The following RBFOX3 variants were observed in gnomAD, a reference collection of about 807,000 sequenced individuals.
RBFOX3 encodes RNA binding protein fox-1 homolog 3.
A neutral mutation model predicts 48.7 loss-of-function variants in RBFOX3; 17 were observed. That is an observed-to-expected ratio of 0.35 (90% CI 0.24 to 0.52). The LOEUF (loss-of-function observed/expected upper bound fraction) is 0.52, where lower values mean the gene tolerates loss of function less well. RBFOX3 is among the 20% of genes least tolerant of loss of function. The pLI is 0.94. For synonymous variants in RBFOX3, 212 were observed against 209.5 expected, an observed-to-expected ratio of 1.01 and a Z score of -0.10; for missense variants, 382 against 497.5, an observed-to-expected ratio of 0.77 and a Z score of 2.21.
chr17:79,094,024 G>A (rs530471840), intron 14 of RBFOX3, among the ~76,000 whole-genome samples: 2 of 152,126 alleles, frequency 1.3e-5, no homozygotes, highest in South Asian at 2.1e-4. Flanking sequence ...GCAGCAGTGC[G>A]GGTGGGCCGT....
In RBFOX3 at chr17:79,303,299, T is replaced by C. The variant is rs149466321; in HGVS notation, c.-74+4425A>G. Among the ~76,000 whole-genome samples, 237 of 152,312 alleles carry C rather than the reference T, an allele frequency of 1.6e-3. 1 individual carries two copies. The highest frequency in any genetic ancestry group is 5.4e-3 in the African/African-American group (225 of 41,564). ...TGAATATAAATATACCAGAAATATG[T>C]TTACTGATTATGCGGTATATGGTTG... On this transcript the variant is annotated intron_variant, in intron 3 of 14. Coordinates refer to ENST00000693108, the MANE Select transcript of RBFOX3 (RefSeq NM_001350451.2).
chr17:79,102,172 A>AG (rs1173264759), intron 8 of RBFOX3, among the ~76,000 whole-genome samples: 1 of 152,164 alleles, frequency 6.6e-6, no homozygotes, highest in Non-Finnish European at 1.5e-5. Context: ...GCCGACAGGG[A>AG]GGGGGGCTCT....
chr17:79,410,991 G>A (rs1453052803), intron 2 of RBFOX3, among the ~76,000 whole-genome samples: 1 of 152,206 alleles, frequency 6.6e-6, no homozygotes, highest in East Asian at 1.9e-4. Flanking sequence ...GGAGACCTGG[G>A]CTGAGTGCAG....
At chr17:79,485,731 G>A (rs973947068) in intron 1 of RBFOX3, among the ~76,000 whole-genome samples, 3 of 152,208 alleles carry the variant, frequency 2.0e-5, no homozygotes, top group Non-Finnish European at 2.9e-5. Flanking sequence ...TCCACAGGCC[G>A]CCGAGTCCGG....
intron 3 of RBFOX3, among the ~76,000 whole-genome samples, chr17:79,266,489 T>G (rs1214945331): frequency 2.6e-5 from 4 of 152,194 alleles, no homozygotes; most frequent in Non-Finnish European, 4.4e-5. Context: ...GTTTCTGTGT[T>G]CTGTGATTTG....
chr17:79,521,134 C>G (rs1225964782), intron 1 of RBFOX3, among the ~76,000 whole-genome samples: 1 of 152,144 alleles, frequency 6.6e-6, no homozygotes, highest in Admixed American at 6.5e-5. Context: ...TAAAGCCAGG[C>G]ACCTGCTTTA....
intron 2 of RBFOX3, among the ~76,000 whole-genome samples, chr17:79,420,327 T>C (rs1357861181): frequency 6.6e-6 from 1 of 152,240 alleles, no homozygotes; most frequent in Non-Finnish European, 1.5e-5. Context: ...TTAAAAATAC[T>C]TGTTTATCTA....
chr17:79,626,564 TC>T, the RBFOX3 span, among the ~76,000 whole-genome samples: 1 of 152,224 alleles, frequency 6.6e-6, no homozygotes, highest in East Asian at 1.9e-4. Context: ...AGCAGGATTC[TC>T]GATATTCAGC....
At chr17:79,135,739 C>T (rs1319543495) in intron 4 of RBFOX3, among the ~76,000 whole-genome samples, 2 of 152,226 alleles carry the variant, frequency 1.3e-5, no homozygotes, top group Non-Finnish European at 2.9e-5. Flanking sequence ...AATCCACAAG[C>T]GGCCTGGCAT....
At chr17:79,462,825 A>T (rs2075554534) in intron 2 of RBFOX3, among the ~76,000 whole-genome samples, 1 of 152,196 alleles carries the variant, frequency 6.6e-6, no homozygotes, top group African/African-American at 2.4e-5. Flanking sequence ...TTGAAAGCTC[A>T]CACAGAGCGT....
intron 2 of RBFOX3, among the ~76,000 whole-genome samples, chr17:79,425,874 C>T (rs1555725158): frequency 6.6e-6 from 1 of 152,114 alleles, no homozygotes; most frequent in Non-Finnish European, 1.5e-5. Flanking sequence ...CAGAGACCCC[C>T]TTCCAGGGAT....
intron 1 of RBFOX3, among the ~76,000 whole-genome samples, chr17:79,565,074 T>C (rs1359832215): frequency 6.6e-6 from 1 of 151,426 alleles, no homozygotes; most frequent in African/African-American, 2.4e-5. Context: ...GCTTACCTTG[T>C]CATATTAAGT....
chr17:79,138,326 C>T (rs376660827), intron 4 of RBFOX3, among the ~76,000 whole-genome samples: 61 of 152,236 alleles, frequency 4.0e-4, no homozygotes, highest in South Asian at 3.7e-3. Context: ...CACCCGAGCA[C>T]GCTCGTGTGT....
intron 5 of RBFOX3, among the ~76,000 whole-genome samples, chr17:79,113,867 GTGAA>G (rs1485788668): frequency 6.7e-6 from 1 of 149,044 alleles, no homozygotes; most frequent in Non-Finnish European, 1.5e-5. Context: ...TGTCTGCCGA[GTGAA>G]GGAAGACTTT....
chr17:79,613,454 C>T (rs1164823755), upstream of RBFOX3, among the ~76,000 whole-genome samples: 10 of 152,328 alleles, frequency 6.6e-5, no homozygotes, highest in East Asian at 1.5e-3. Flanking sequence ...CAGCACTAAC[C>T]GGGAGATTTT....
At chr17:79,323,844 C>T (rs1024478555) in intron 2 of RBFOX3, among the ~76,000 whole-genome samples, 3 of 152,334 alleles carry the variant, frequency 2.0e-5, no homozygotes, top group South Asian at 2.1e-4. Flanking sequence ...TCCAAGTTGG[C>T]GAATGGAGAC....
chr17:79,304,704 C>T (rs768424903), intron 3 of RBFOX3, among the ~76,000 whole-genome samples: 3 of 152,150 alleles, frequency 2.0e-5, no homozygotes, highest in Non-Finnish European at 2.9e-5. Flanking sequence ...TGAAAGTCCC[C>T]AGACCCTTCT....
chr17:79,565,962 T>C (rs1264841394), intron 1 of RBFOX3, among the ~76,000 whole-genome samples: 1 of 152,182 alleles, frequency 6.6e-6, no homozygotes, highest in African/African-American at 2.4e-5. Context: ...TATTTTGGGT[T>C]CTACTAAATT....
intron 4 of RBFOX3, among the ~76,000 whole-genome samples, chr17:79,182,728 G>C (rs1171535622): frequency 6.7e-6 from 1 of 149,632 alleles, no homozygotes; most frequent in Non-Finnish European, 1.5e-5. Context: ...TCCCCGGCCA[G>C]AGCTCCTGGG....
Sources: allele counts gnomAD v4.1 joint callset (sites outside exome capture counted in the v4.1 genomes callset), GRCh38; gene constraint gnomAD v4.1.1; transcripts MANE v1.5; gene names NCBI Gene and HGNC (gene_info 2026-07-23, HGNC 2026-07-21).